The following OLFML1 variants were observed in gnomAD, a reference collection of about 807,000 sequenced individuals.
The protein encoded by OLFML1 is olfactomedin-like protein 1.
Under a neutral mutation model 37.3 loss-of-function variants are expected in OLFML1, and 33 were observed. The ratio of observed to expected loss-of-function variants is 0.88; its 90% CI spans 0.67 to 1.18. OLFML1 has a LOEUF of 1.18. Among genes scored for constraint, OLFML1 ranks in the 50% most tolerant of loss-of-function variants. The pLI, the probability that OLFML1 is intolerant of heterozygous loss-of-function variation, is 0.00. For missense variants in OLFML1, 545 were observed against 483.7 expected (o/e 1.13, Z -1.19); for synonymous variants, 186 against 181.3 (o/e 1.03, Z -0.21).
rs561209652 is a variant in OLFML1 at position 7,503,222 on chromosome 11, T to C, written c.419-6176T>C. ...TTTAGAACTTCCATGGTCTCAGAGA[T>C]AGAATGGGATGATTCAGAAAGTGAT... On this transcript the variant is annotated intron_variant, in intron 2 of 2. Coordinates refer to ENST00000329293, the MANE Select transcript of OLFML1 (RefSeq NM_198474.4). 1.1e-4 allele frequency among the ~76,000 whole-genome samples: 16 copies of C among 152,144 alleles called. 1 individual carries two copies. The Middle Eastern group carries it at 0.014, about 129-fold the overall frequency.
chr11:7,498,118 T>C (rs1338108962), intron 2 of OLFML1, among the ~76,000 whole-genome samples: 1 of 152,214 alleles, frequency 6.6e-6, no homozygotes, highest in Non-Finnish European at 1.5e-5. Flanking sequence ...ATATATACTG[T>C]GTCCCAGGCA....
chr11:7,486,057 T>C, intron 1 of OLFML1, 53 bp downstream of exon 1: 2 of 1,552,608 alleles, frequency 1.3e-6, no homozygotes, highest in Non-Finnish European at 8.8e-7. Context: ...AGAAGTACCT[T>C]ATTTTTACCC....
At chr11:7,502,887 T>G (rs921616552) in intron 2 of OLFML1, among the ~76,000 whole-genome samples, 5 of 152,226 alleles carry the variant, frequency 3.3e-5, no homozygotes, top group Non-Finnish European at 5.9e-5. Flanking sequence ...ATTATAGGCG[T>G]GAGCCACTGC....
At chr11:7,495,426 C>G (rs975081572) in intron 2 of OLFML1, among the ~76,000 whole-genome samples, 1 of 152,082 alleles carries the variant, frequency 6.6e-6, no homozygotes, top group South Asian at 2.1e-4. Context: ...GTAATACTCA[C>G]GAATTAAATA....
chr11:7,496,962 C>G (rs947760258), intron 2 of OLFML1, among the ~76,000 whole-genome samples: 1 of 152,092 alleles, frequency 6.6e-6, no homozygotes, highest in East Asian at 1.9e-4. Flanking sequence ...GCTGGAAGGT[C>G]TAGGCTGCAG....
intron 2 of OLFML1, among the ~76,000 whole-genome samples, chr11:7,499,786 T>A (rs990849419): frequency 2.0e-5 from 3 of 152,258 alleles, no homozygotes; most frequent in Non-Finnish European, 4.4e-5. Context: ...CTCCAAGGGT[T>A]CTGCATTAGA....
At position 7,508,738 on chromosome 11, in the gene OLFML1, G is replaced by C. The variant is rs146062936; in HGVS notation, c.419-660G>C. On this transcript the variant is annotated intron_variant, in intron 2 of 2. Transcript: ENST00000329293. Reference sequence around the variant, plus strand: ...AACGTTGCAGTCGTGTTAAGGGTCAGAATCCTTCACTAGAAGATAATCTCG... The same window carrying C: ...AACGTTGCAGTCGTGTTAAGGGTCACAATCCTTCACTAGAAGATAATCTCG... 1.1e-3 allele frequency among the ~76,000 whole-genome samples: 175 copies of C among 152,316 alleles called. 1 individual carries two copies. The highest frequency in any genetic ancestry group is 3.4e-3 in the Middle Eastern group (1 of 294).
chr11:7,500,902 T>TA (rs1189556029), intron 2 of OLFML1, among the ~76,000 whole-genome samples: 1 of 151,976 alleles, frequency 6.6e-6, no homozygotes, highest in East Asian at 1.9e-4. Flanking sequence ...TAAAAAAACT[T>TA]AAAAAAAGAA....
chr11:7,502,638 G>A (rs1329410234), intron 2 of OLFML1, among the ~76,000 whole-genome samples: 5 of 150,200 alleles, frequency 3.3e-5, no homozygotes, highest in South Asian at 2.1e-4. Flanking sequence ...ACAGAGTCTC[G>A]CTCTGTATCC....
At chr11:7,502,896 G>C (rs1246642867) in intron 2 of OLFML1, among the ~76,000 whole-genome samples, 1 of 152,162 alleles carries the variant, frequency 6.6e-6, no homozygotes, top group Non-Finnish European at 1.5e-5. Context: ...GTGAGCCACT[G>C]CTCCTGGCCT....
intron 1 of OLFML1, among the ~76,000 whole-genome samples, 156 bp from the exon 2 acceptor site, chr11:7,487,971 A>G (rs942766558): frequency 1.3e-5 from 2 of 152,190 alleles, no homozygotes; most frequent in African/African-American, 4.8e-5. Flanking sequence ...AAGTATCAAT[A>G]CTACCTTTGA....
At chr11:7,503,889 G>A (rs1848751719) in intron 2 of OLFML1, among the ~76,000 whole-genome samples, 1 of 152,146 alleles carries the variant, frequency 6.6e-6, no homozygotes, top group African/African-American at 2.4e-5. Context: ...CAGAAAATAT[G>A]GAACTACTAT....
At chr11:7,507,637 C>T (rs574868649) in intron 2 of OLFML1, among the ~76,000 whole-genome samples, 2 of 151,986 alleles carry the variant, frequency 1.3e-5, no homozygotes, top group East Asian at 3.9e-4. Context: ...CAATGTCCGC[C>T]TCCTGGGTTC....
chr11:7,485,848 G>C lies in OLFML1; in HGVS notation c.-28G>C. 6.2e-7 allele frequency: 1 copy of C among 1,610,340 alleles called. No homozygotes were observed. Among genetic ancestry groups the C allele is most frequent in the Non-Finnish European group, 8.5e-7 (1 of 1,178,626 alleles). On this transcript the variant is annotated 5_prime_UTR_variant, in exon 1 of 3. Transcript: ENST00000329293. ...ATCCTTGAGAAGAGCCACAGCATAAGAGACTGCCCTGCTTGGTGTTTTGCA... is the reference window on the plus strand; with the variant it reads ...ATCCTTGAGAAGAGCCACAGCATAACAGACTGCCCTGCTTGGTGTTTTGCA...
intron 2 of OLFML1, among the ~76,000 whole-genome samples, chr11:7,490,895 A>G (rs1178292892): frequency 6.6e-6 from 1 of 152,106 alleles, no homozygotes; most frequent in Admixed American, 6.5e-5. Context: ...AACACAAAAT[A>G]GATCATAATT....
At chr11:7,504,302 C>A (rs533962691) in intron 2 of OLFML1, among the ~76,000 whole-genome samples, 1 of 151,940 alleles carries the variant, frequency 6.6e-6, no homozygotes, top group Non-Finnish European at 1.5e-5. Flanking sequence ...TAGAACAAAA[C>A]GAACAAGGTG....
chr11:7,496,360 A>G (rs1279352057), intron 2 of OLFML1, among the ~76,000 whole-genome samples: 2 of 152,220 alleles, frequency 1.3e-5, no homozygotes, highest in African/African-American at 4.8e-5. Flanking sequence ...TTTCATCTCA[A>G]TGCTCATGGA....
chr11:7,508,185 T>C (rs1197095252), intron 2 of OLFML1, among the ~76,000 whole-genome samples: 1 of 152,188 alleles, frequency 6.6e-6, no homozygotes, highest in African/African-American at 2.4e-5. Context: ...ATGAGTAGGC[T>C]GAGAAGGAGG....
chr11:7,492,754 T>C (rs1164400666), intron 2 of OLFML1, among the ~76,000 whole-genome samples: 1 of 152,186 alleles, frequency 6.6e-6, no homozygotes, highest in African/African-American at 2.4e-5. Flanking sequence ...CTTCCCTCTC[T>C]TCTTCTCTCA....
Sources: gnomAD v4.1 joint callset for allele counts (sites outside exome capture counted in the v4.1 genomes callset) on GRCh38, gnomAD v4.1.1 for gene constraint, MANE v1.5 for transcripts, NCBI Gene and HGNC (gene_info 2026-07-23, HGNC 2026-07-21) for gene names.